Variants in MDN1 observed in about 807,000 individuals in gnomAD.
MDN1 encodes the protein midasin AAA ATPase 1, also known as midasin.
A neutral mutation model predicts 669.2 loss-of-function variants in MDN1; 266 were observed. The observed-to-expected ratio is 0.40, with a 90% CI of 0.36 to 0.44. The LOEUF (loss-of-function observed/expected upper bound fraction) is 0.44, where lower values mean the gene tolerates loss of function less well. MDN1 is among the 20% of genes least tolerant of loss of function. The pLI, the probability that MDN1 is intolerant of heterozygous loss-of-function variation, is 1.00. For synonymous variants in MDN1, 2,385 were observed against 2,457.1 expected (o/e 0.97, Z 0.87); for missense variants, 5,940 against 6,754.0 (o/e 0.88, Z 4.22).
At chr6:89,675,883 A>G (rs537632496) in intron 77 of MDN1, 2 of 548,706 alleles carry the variant, frequency 3.6e-6, no homozygotes, top group East Asian at 5.9e-5. Flanking sequence ...ACATTAAGAA[A>G]ATCTGTCCTG....
intron 95 of MDN1, among the ~76,000 whole-genome samples, 155 bp downstream of exon 95, chr6:89,652,027 AACTGATGGAC>A (rs1169934239): frequency 6.6e-6 from 1 of 152,252 alleles, no homozygotes; most frequent in Non-Finnish European, 1.5e-5. Flanking sequence ...AGCAGCCAGA[AACTGATGGAC>A]AGATCTGTAG....
At chr6:89,804,503 G>A (rs2128329580) in intron 1 of MDN1, among the ~76,000 whole-genome samples, 1 of 152,216 alleles carries the variant, frequency 6.6e-6, no homozygotes, top group East Asian at 1.9e-4. Flanking sequence ...AATCTCCAGG[G>A]AATTCAAAAC....
chr6:89,659,791 C>T (rs1809591070), intron 88 of MDN1, among the ~76,000 whole-genome samples: 1 of 152,178 alleles, frequency 6.6e-6, no homozygotes, highest in Non-Finnish European at 1.5e-5. Context: ...AATAGAAACA[C>T]TCTTATTTTG....
intron 84 of MDN1, 90 bp downstream of exon 84, chr6:89,667,924 A>G (rs1810376686): frequency 2.0e-6 from 3 of 1,496,554 alleles, no homozygotes; most frequent in Non-Finnish European, 2.7e-6. Context: ...AAAATTATTA[A>G]CCTAGTAAAA....
intron 67 of MDN1, 45 bp from the exon 68 acceptor site, chr6:89,687,483 C>T (rs749720570): frequency 1.3e-4 from 203 of 1,523,448 alleles, no homozygotes; most frequent in Non-Finnish European, 1.8e-4. Flanking sequence ...TATTCAATGC[C>T]ATAATCACCT....
At chr6:89,664,946 T>G (rs530825374) in intron 84 of MDN1, among the ~76,000 whole-genome samples, 1 of 152,316 alleles carries the variant, frequency 6.6e-6, no homozygotes, top group South Asian at 2.1e-4. Context: ...TTAATACTAT[T>G]TTTGTCACTA....
chr6:89,789,995 A>G (rs963404071), intron 6 of MDN1, 84 bp from the exon 7 acceptor site: 3 of 1,587,944 alleles, frequency 1.9e-6, no homozygotes, highest in East Asian at 2.2e-5. Flanking sequence ...TTAATCTTCT[A>G]TAGGTAGGTG....
At chr6:89,818,145 C>G (rs111897092) in intron 1 of MDN1, among the ~76,000 whole-genome samples, 1 of 149,832 alleles carries the variant, frequency 6.7e-6, no homozygotes, top group Non-Finnish European at 1.5e-5. Context: ...CAGTGAAACC[C>G]TGTCTCTACT....
intron 96 of MDN1, among the ~76,000 whole-genome samples, chr6:89,650,526 C>T (rs1197885952): frequency 3.9e-5 from 6 of 152,216 alleles, no homozygotes; most frequent in Non-Finnish European, 8.8e-5. Context: ...CAACATGTAA[C>T]AAGGTGATCA....
At position 89,662,274 on chromosome 6, in the gene MDN1, C is replaced by T. The variant is rs531944109; in HGVS notation, c.14413-35G>A. On this transcript the variant is annotated intron_variant, in intron 86 of 101. Coordinates refer to ENST00000369393, the MANE Select transcript of MDN1 (RefSeq NM_014611.3). The stretch of plus-strand genomic sequence containing the variant: ...AGAGGAAGAAAAAACAATCATCACA[C>T]TCAATCCAAGAAACTGCTTCTGCAT... 1.0e-5 allele frequency: 16 copies of T among 1,591,882 alleles called. No individual in the cohort carries two copies. In the East Asian group the frequency reaches 3.6e-4, roughly 36 times the overall value.
At chr6:89,654,643 A>G (rs531955211) in intron 92 of MDN1, among the ~76,000 whole-genome samples, 2 of 152,276 alleles carry the variant, frequency 1.3e-5, no homozygotes, top group South Asian at 2.1e-4. Flanking sequence ...GCTCCTGAGC[A>G]TTTGACAAAA....
rs760486667 is a variant in MDN1, at chr6:89,749,539, A to C, written c.3615+4T>G. 6.2e-7 allele frequency: 1 copy of C among 1,613,934 alleles called. No homozygotes were observed. The highest frequency in any genetic ancestry group is 8.5e-7 in the Non-Finnish European group (1 of 1,179,772). ...ATTGAAGGAAGGAGACAAATGCTAC[A>C]TACCTTTCTGCCTCCATAAAGTCCT... is the stretch of plus-strand genomic sequence containing the variant. On this transcript the variant is annotated splice_donor_region_variant and intron_variant, in intron 25 of 101. Coordinates refer to ENST00000369393, the MANE Select transcript of MDN1 (RefSeq NM_014611.3).
At chr6:89,647,247 C>G (rs1808549319) in intron 99 of MDN1, among the ~76,000 whole-genome samples, 1 of 152,208 alleles carries the variant, frequency 6.6e-6, no homozygotes, top group Non-Finnish European at 1.5e-5. Flanking sequence ...GAACAGAAAA[C>G]AACTGAGCAA....
chr6:89,712,212 G>C lies in MDN1; in HGVS notation c.7475C>G (p.Ser2492Cys). The change falls in exon 49 of 102, where the codon TCC becomes TGC. Residue 2492 changes from serine to cysteine, a missense_variant. Physicochemically the swap from Ser to Cys is moderately radical, Grantham distance 112. Transcript: ENST00000369393. Reference sequence around the variant, plus strand: ...GAATTTCAGGTTCTCAGGGCTGGGGGACTGCATAATTTTCTCTAAGTCTTG... The same window carrying C: ...GAATTTCAGGTTCTCAGGGCTGGGGCACTGCATAATTTTCTCTAAGTCTTG... ...TLQDLEKIMQ[S>C]PSPENLKFNA... is the part of the protein sequence containing the mutation. The C allele has an allele frequency of 1.2e-6, 2 of 1,614,090 alleles. No individual in the cohort carries two copies. The highest frequency in any genetic ancestry group is 2.2e-5 in the South Asian group (2 of 91,076).
chr6:89,804,189 C>T (rs1297484712), intron 1 of MDN1, among the ~76,000 whole-genome samples: 5 of 152,052 alleles, frequency 3.3e-5, no homozygotes, highest in Admixed American at 1.3e-4. Flanking sequence ...GGATTACAGG[C>T]GTGAGCCACC....
chr6:89,788,660 A>C lies in MDN1; in HGVS notation c.1231-703T>G, dbSNP rs569118298. Among the ~76,000 whole-genome samples, 14 of 152,326 alleles carry C rather than the reference A, an allele frequency of 9.2e-5. No homozygotes were observed. In the East Asian group the frequency reaches 2.5e-3, roughly 27 times the overall value. On this transcript the variant is annotated intron_variant, in intron 7 of 101. Coordinates refer to ENST00000369393, the MANE Select transcript of MDN1 (RefSeq NM_014611.3). The stretch of plus-strand genomic sequence containing the variant: ...TTATCGAGAGGCTTTTAGGCTGAGA[A>C]GAAAAGAAATAATTCCATTTTTTAT...
At chr6:89,747,805 C>G (rs138002450) in intron 26 of MDN1, among the ~76,000 whole-genome samples, 6,721 of 149,454 alleles carry the variant, frequency 0.045, 497 homozygotes, top group African/African-American at 0.16. Context: ...GGAGGAGAAC[C>G]GCATGAACCC....
Position 89,676,210 on chromosome 6 carries a change from G to T in MDN1, c.12540-3C>A. ...AAGACGAGATTTCTGTAAGCAGCCT[G>T]GAAAAGATATCAACATTGTTTACTT... On this transcript the variant is annotated splice_region_variant and splice_polypyrimidine_tract_variant and intron_variant, in intron 76 of 101. Coordinates refer to ENST00000369393, the MANE Select transcript of MDN1 (RefSeq NM_014611.3). 6.2e-7 allele frequency: 1 copy of T among 1,613,382 alleles called. No homozygotes were observed. Among genetic ancestry groups the T allele is most frequent in the Non-Finnish European group, 8.5e-7 (1 of 1,179,316 alleles).
rs897092291 is a variant in MDN1 at position 89,789,703 on chromosome 6, A to G, written c.1230+77T>C. 6.8e-6 allele frequency: 10 copies of G among 1,471,802 alleles called. No individual in the cohort carries two copies. In the African/African-American group the frequency reaches 1.1e-4, roughly 17 times the overall value. 91.2% of individuals were successfully genotyped at this position (1,471,802 alleles called of 1,614,324 possible). ...ATACATTTTTGTTTAAATCATCACC[A>G]GAATCACTATTAACAAAATGCTTTT... On this transcript the variant is annotated intron_variant, in intron 7 of 101. Coordinates refer to ENST00000369393, the MANE Select transcript of MDN1 (RefSeq NM_014611.3).
Sources: gnomAD v4.1 joint callset for allele counts (sites outside exome capture counted in the v4.1 genomes callset) on GRCh38, gnomAD v4.1.1 for gene constraint, MANE v1.5 for transcripts, NCBI Gene and HGNC (gene_info 2026-07-23, HGNC 2026-07-21) for gene names.